Variants in FLRT1 observed in about 807,000 individuals in gnomAD.
FLRT1 encodes the protein leucine-rich repeat transmembrane protein FLRT1.
In FLRT1, 14 loss-of-function variants were observed where a neutral mutation model predicts 30.9. The observed-to-expected ratio is 0.45, with a 90% CI of 0.30 to 0.71. The LOEUF (loss-of-function observed/expected upper bound fraction) is 0.71. Among genes scored for constraint, FLRT1 ranks in the 30% least tolerant of loss-of-function variants. The probability of loss-of-function intolerance (pLI) is 0.08; values close to 1 mark genes in which losing one functional copy is unlikely to be tolerated. For missense variants in FLRT1, 737 were observed against 949.2 expected (o/e 0.78, Z 2.94); for synonymous variants, 368 against 430.4 (o/e 0.85, Z 1.80).
intron 1 of FLRT1, among the ~76,000 whole-genome samples, chr11:64,076,291 A>G (rs1944199367): frequency 6.6e-6 from 1 of 152,194 alleles, no homozygotes; most frequent in African/African-American, 2.4e-5. Context: ...GCATGGGTCA[A>G]AAGACCCCAC....
At chr11:64,063,614 A>G (rs1943943831) in intron 1 of FLRT1, among the ~76,000 whole-genome samples, 1 of 152,184 alleles carries the variant, frequency 6.6e-6, no homozygotes, top group African/African-American at 2.4e-5. Flanking sequence ...TCACGTAGGA[A>G]TGAAACCACC....
Position 64,117,085 on chromosome 11 carries a change from A to G in FLRT1, c.818A>G (p.Gln273Arg), listed in dbSNP as rs753537051. 6.2e-7 allele frequency: 1 copy of G among 1,603,704 alleles called. No individual in the cohort carries two copies. The highest frequency in any genetic ancestry group is 8.5e-7 in the Non-Finnish European group (1 of 1,175,284). Reference sequence around the variant, plus strand: ...CTCAACCTGCCCAGCGCCCACCTGCAGAAGCTCTACCTGCAGGACAATGCC... The same window carrying G: ...CTCAACCTGCCCAGCGCCCACCTGCGGAAGCTCTACCTGCAGGACAATGCC... ...PPLNLPSAHL[Q>R]KLYLQDNAIS... Residue 273 changes from glutamine (Q) to arginine (R), a missense_variant, in exon 3 of 3, where the codon CAG becomes CGG. Physicochemically the swap from Gln to Arg is conservative, Grantham distance 43. Coordinates refer to ENST00000682287, the MANE Select transcript of FLRT1 (RefSeq NM_013280.5).
intron 2 of FLRT1, among the ~76,000 whole-genome samples, chr11:64,110,449 G>GAAA (rs754055496): frequency 3.2e-4 from 43 of 132,324 alleles, no homozygotes; most frequent in African/African-American, 1.2e-3. Flanking sequence ...GACTGTCTCA[G>GAAA]AAAAAAAAAA....
chr11:64,065,158 C>G (rs556035863), intron 1 of FLRT1, among the ~76,000 whole-genome samples: 9 of 152,296 alleles, frequency 5.9e-5, no homozygotes, highest in Non-Finnish European at 1.5e-5. Flanking sequence ...GTAGAAGTGG[C>G]CCAGGGAACG....
At chr11:64,054,340 AG>A (rs1943745593) in intron 1 of FLRT1, among the ~76,000 whole-genome samples, 1 of 152,210 alleles carries the variant, frequency 6.6e-6, no homozygotes, top group African/African-American at 2.4e-5. Flanking sequence ...AAGTTTGCAA[AG>A]GAAAGAAGCG....
intron 1 of FLRT1, among the ~76,000 whole-genome samples, chr11:64,043,146 G>A (rs566037041): frequency 3.3e-5 from 5 of 152,268 alleles, no homozygotes; most frequent in Admixed American, 2.0e-4. Flanking sequence ...GATGGCATAC[G>A]TGCTGACATC....
intron 1 of FLRT1, among the ~76,000 whole-genome samples, chr11:64,056,712 C>T (rs1565212406): frequency 6.6e-6 from 1 of 152,202 alleles, no homozygotes; most frequent in Non-Finnish European, 1.5e-5. Context: ...TAGGGGACAG[C>T]AGAGAACCCG....
intron 1 of FLRT1, among the ~76,000 whole-genome samples, chr11:64,099,630 G>A (rs1944636696): frequency 6.6e-6 from 1 of 151,878 alleles, no homozygotes. Context: ...AAGGATGGAT[G>A]GATGGAGAGA....
chr11:64,073,611 G>C (rs1296959278), intron 1 of FLRT1, among the ~76,000 whole-genome samples: 1 of 152,208 alleles, frequency 6.6e-6, no homozygotes, highest in Non-Finnish European at 1.5e-5. Context: ...GGCAGGTGCA[G>C]GCCAGAGCCA....
At chr11:64,100,589 C>T (rs1399852955) in intron 1 of FLRT1, among the ~76,000 whole-genome samples, 3 of 152,086 alleles carry the variant, frequency 2.0e-5, no homozygotes, top group African/African-American at 7.2e-5. Context: ...GTCTGCCAGG[C>T]GCACGCATTT....
chr11:64,064,883 G>A lies in FLRT1; in HGVS notation c.-1038+28724G>A, dbSNP rs1042976824. On this transcript the variant is annotated intron_variant, in intron 1 of 2. Coordinates refer to ENST00000682287, the MANE Select transcript of FLRT1 (RefSeq NM_013280.5). This position sits in a 1 kb window ranked among gnomAD's most constrained non-coding sequence, Gnocchi z 4.5. ...ATTCATTCATTCATTCATTTGATGA[G>A]TGCTTCCAGAGCCCACCTATGACGT... 6.6e-6 allele frequency among the ~76,000 whole-genome samples: 1 copy of A among 150,824 alleles called. No individual in the cohort carries two copies. The highest frequency in any genetic ancestry group is 6.6e-5 in the Admixed American group (1 of 15,130).
chr11:64,110,666 C>T (rs1190176918), intron 2 of FLRT1, among the ~76,000 whole-genome samples: 3 of 152,048 alleles, frequency 2.0e-5, no homozygotes, highest in African/African-American at 7.2e-5. Flanking sequence ...CCCCGTGGCC[C>T]GCTAAGGATC....
At chr11:64,062,587 T>C (rs772869575) in intron 1 of FLRT1, among the ~76,000 whole-genome samples, 4 of 152,190 alleles carry the variant, frequency 2.6e-5, no homozygotes, top group South Asian at 2.1e-4. Context: ...AACACCACCA[T>C]GTACAGGCAC....
At chr11:64,040,734 T>C (rs1943468723) in intron 1 of FLRT1, among the ~76,000 whole-genome samples, 1 of 152,052 alleles carries the variant, frequency 6.6e-6, no homozygotes, top group Non-Finnish European at 1.5e-5. Context: ...GCAGAAACCC[T>C]CCCCAGCCCT....
At chr11:64,103,061 C>T (rs1365783390) in intron 1 of FLRT1, 133 bp from the exon 2 acceptor site, 1 of 149,426 alleles carries the variant, frequency 6.7e-6, no homozygotes, top group Non-Finnish European at 1.5e-5. Context: ...CAGAGCGAGA[C>T]TCCATCTCAA....
At chr11:64,041,242 G>A (rs77328674) in intron 1 of FLRT1, among the ~76,000 whole-genome samples, 1,416 of 137,122 alleles carry the variant, frequency 0.01, 30 homozygotes, top group African/African-American at 0.038. Context: ...ATGAGCGAGA[G>A]AGGAAGAGAG....
intron 1 of FLRT1, among the ~76,000 whole-genome samples, chr11:64,049,577 T>C (rs977001411): frequency 6.6e-6 from 1 of 152,226 alleles, no homozygotes. Flanking sequence ...TTCTATTGGC[T>C]TCCTGTCCTG....
chr11:64,107,069 A>C lies in FLRT1; in HGVS notation c.-50+2888A>C, dbSNP rs994063981. On this transcript the variant is annotated intron_variant, in intron 2 of 2. Transcript: ENST00000682287. ...CAGCTAATTTTTGTATTTTTAGTAG[A>C]GACAGAGTTTCGCCATGTTGACCAG... Among the ~76,000 whole-genome samples the C allele has an allele frequency of 2.0e-5, 3 of 151,910 alleles. No individual in the cohort carries two copies. The East Asian group carries it at 5.8e-4, about 29-fold the overall frequency.
chr11:64,047,897 C>CAAA (rs35010371), intron 1 of FLRT1, among the ~76,000 whole-genome samples: 2,337 of 89,060 alleles, frequency 0.026, 72 homozygotes, highest in African/African-American at 0.086. Context: ...AACTCCGTCT[C>CAAA]AAAAAAAAAA....
Sources: gnomAD v4.1 joint callset for allele counts (sites outside exome capture counted in the v4.1 genomes callset) on GRCh38, gnomAD v4.1.1 for gene constraint, Gnocchi (gnomAD v3.1) non-coding constraint, MANE v1.5 for transcripts, NCBI Gene and HGNC (gene_info 2026-07-23, HGNC 2026-07-21) for gene names.